The following WNT11 variants were observed in gnomAD, a reference collection of about 807,000 sequenced individuals.
The protein encoded by WNT11 is protein Wnt-11.
A neutral mutation model predicts 35.6 loss-of-function variants in WNT11; 20 were observed. That is an observed-to-expected ratio of 0.56 (90% confidence interval 0.40 to 0.82). The LOEUF is 0.82. WNT11 is among the 40% of genes least tolerant of loss of function. The pLI is 0.00. For synonymous variants in WNT11, 200 were observed against 211.9 expected (o/e 0.94, Z 0.49); for missense variants, 459 against 504.4 (o/e 0.91, Z 0.86).
chr11:76,196,103 C>G (rs1316549111), intron 2 of WNT11, among the ~76,000 whole-genome samples: 1 of 152,206 alleles, frequency 6.6e-6, no homozygotes, highest in Non-Finnish European at 1.5e-5. Flanking sequence ...CGGGTGGGCT[C>G]TATAGCATTA....
intron 2 of WNT11, among the ~76,000 whole-genome samples, chr11:76,196,093 C>T (rs180964976): frequency 2.0e-4 from 31 of 152,298 alleles, no homozygotes; most frequent in Admixed American, 5.9e-4. Context: ...GTCTGCCCTG[C>T]GGGTGGGCTC....
chr11:76,191,470 C>T, intron 4 of WNT11, 94 bp downstream of exon 4: 1 of 1,400,212 alleles, frequency 7.1e-7, no homozygotes, highest in Non-Finnish European at 9.8e-7. Context: ...CCCCACATGC[C>T]ACCTGAGTCC....
upstream of WNT11, among the ~76,000 whole-genome samples, chr11:76,208,836 G>C (rs944823570): frequency 2.5e-4 from 38 of 152,196 alleles, no homozygotes; most frequent in African/African-American, 8.2e-4. Flanking sequence ...CCGAGCCTCT[G>C]GGTCCTGACG....
intron 1 of WNT11, among the ~76,000 whole-genome samples, chr11:76,202,402 G>T (rs1011543653): frequency 3.9e-5 from 6 of 152,188 alleles, no homozygotes; most frequent in African/African-American, 1.4e-4. Flanking sequence ...GAGTCGAGGA[G>T]ATCCTGTTCT....
chr11:76,201,617 C>A (rs570113022), intron 1 of WNT11, among the ~76,000 whole-genome samples: 1 of 152,130 alleles, frequency 6.6e-6, no homozygotes, highest in African/African-American at 2.4e-5. Context: ...AGGGCCCTAC[C>A]GGGGTGGCAA....
In WNT11 at chr11:76,191,594, T is replaced by G; in HGVS notation, c.860A>C (p.Glu287Ala). Residue 287 changes from glutamate to alanine, a missense_variant, in exon 4 of 5, where the codon GAG (glutamate) becomes GCG (alanine). By Grantham distance (107) the Glu-to-Ala change is moderately radical. Transcript: ENST00000322563. The stretch of plus-strand genomic sequence containing the variant: ...TTGTGTCCCGTGGGAGCCCACCTTC[T>G]CATTCTTCATGCAGAAGTCAGGTGA... The part of the protein sequence containing the change: ...QSSPDFCMKN[E>A]KVGSHGTQDR... 6.2e-7 allele frequency: 1 copy of G among 1,612,314 alleles called. No homozygotes were observed. Among genetic ancestry groups the G allele is most frequent in the Non-Finnish European group, 8.5e-7 (1 of 1,178,634 alleles).
At chr11:76,204,548 ACTC>A (rs1953440345) in intron 1 of WNT11, among the ~76,000 whole-genome samples, 1 of 151,358 alleles carries the variant, frequency 6.6e-6, no homozygotes, top group Non-Finnish European at 1.5e-5. Flanking sequence ...AGAACTGATC[ACTC>A]CTCCTCTGGG....
At chr11:76,202,125 C>T (rs886879830) in intron 1 of WNT11, among the ~76,000 whole-genome samples, 7 of 152,182 alleles carry the variant, frequency 4.6e-5, no homozygotes, top group Admixed American at 4.6e-4. Context: ...CCAGGTGAGG[C>T]TTCGGCAGAG....
At chr11:76,189,568 A>G (rs1332063949) in intron 4 of WNT11, among the ~76,000 whole-genome samples, 1 of 152,126 alleles carries the variant, frequency 6.6e-6, no homozygotes, top group African/African-American at 2.4e-5. Context: ...GCCTCTAGAG[A>G]TACCCCGCAT....
upstream of WNT11, among the ~76,000 whole-genome samples, chr11:76,209,419 C>G (rs1056034665): frequency 6.6e-6 from 1 of 152,188 alleles, no homozygotes; most frequent in African/African-American, 2.4e-5. Context: ...CTTGCGGGGT[C>G]CCCCCTACCC....
upstream of WNT11, among the ~76,000 whole-genome samples, chr11:76,209,076 G>C (rs1182370495): frequency 1.3e-5 from 2 of 152,290 alleles, no homozygotes; most frequent in African/African-American, 4.8e-5. Flanking sequence ...ATGGGACGAC[G>C]TGTCGAGGGA....
rs910207905 is a variant in WNT11, at chr11:76,187,294, C to T, written c.891-55G>A. 2.6e-6 allele frequency: 4 copies of T among 1,529,828 alleles called. No individual in the cohort carries two copies. In the East Asian group the frequency reaches 7.1e-5, roughly 27 times the overall value. 94.8% of individuals were successfully genotyped at this position (1,529,828 alleles called of 1,614,324 possible). The stretch of plus-strand genomic sequence containing the variant: ...CATGCCTTGGTCACCACCCCACCAA[C>T]ACCCCATGACTCCCAGCCAGGCAGC... On this transcript the variant is annotated intron_variant, in intron 4 of 4. Transcript: ENST00000322563.
chr11:76,208,089 TGTC>T (rs1953500984), upstream of WNT11, among the ~76,000 whole-genome samples: 2 of 152,180 alleles, frequency 1.3e-5, no homozygotes, highest in South Asian at 4.1e-4. Flanking sequence ...CCAGCCTCGG[TGTC>T]CCCTTCCATA....
At chr11:76,190,844 T>C (rs988008766) in intron 4 of WNT11, 18 of 152,216 alleles carry the variant, frequency 1.2e-4, no homozygotes, top group African/African-American at 4.3e-4. Flanking sequence ...GGACCAGCTT[T>C]CGCCAGCACC....
chr11:76,210,420 C>G, upstream of WNT11: 1 of 985,332 alleles, frequency 1.0e-6, no homozygotes, highest in Non-Finnish European at 1.2e-6. Context: ...GCGCCCCCAG[C>G]CCTGGCGGGT....
At position 76,191,700 on chromosome 11, in the gene WNT11, T is replaced by C. The variant is rs767000407; in HGVS notation, c.754A>G (p.Met252Val). The change falls in exon 4 of 5, where the codon ATG (methionine) becomes GTG (valine). Residue 252 changes from methionine to valine, a missense_variant. Met to Val is a conservative substitution (Grantham distance 21). Transcript: ENST00000322563. ...GGCACCAGGTGCTTGCGGGTGCCCA[T>C]GGGTCGGTGCACTACCTTGGTGGCC... ...LSATKVVHRPMGTRKHLVPKD... is the reference protein window; with the variant it reads ...LSATKVVHRPVGTRKHLVPKD... 6.2e-7 allele frequency: 1 copy of C among 1,613,964 alleles called. No individual in the cohort carries two copies. The highest frequency in any genetic ancestry group is 8.5e-7 in the Non-Finnish European group (1 of 1,180,022).
chr11:76,190,003 G>A (rs1953157922), intron 4 of WNT11, among the ~76,000 whole-genome samples: 1 of 152,060 alleles, frequency 6.6e-6, no homozygotes. Flanking sequence ...GCCTCCTCAT[G>A]AGGAGTGAGG....
At chr11:76,201,316 G>A (rs1953372337) in intron 1 of WNT11, among the ~76,000 whole-genome samples, 1 of 152,224 alleles carries the variant, frequency 6.6e-6, no homozygotes, top group Non-Finnish European at 1.5e-5. Context: ...CGCCCACAGG[G>A]GCTGCAGGCA....
At chr11:76,188,023 A>T (rs1274707125) in intron 4 of WNT11, among the ~76,000 whole-genome samples, 3 of 152,212 alleles carry the variant, frequency 2.0e-5, no homozygotes, top group Non-Finnish European at 4.4e-5. Flanking sequence ...GTGTGCCACC[A>T]CACACAGCCA....
Sources: allele counts gnomAD v4.1 joint callset (sites outside exome capture counted in the v4.1 genomes callset), GRCh38; gene constraint gnomAD v4.1.1; transcripts MANE v1.5; gene names NCBI Gene and HGNC (gene_info 2026-07-23, HGNC 2026-07-21).